The following CHL1 variants were observed in gnomAD, a reference collection of about 807,000 sequenced individuals.
The protein encoded by CHL1 is neural cell adhesion molecule L1-like protein.
In CHL1, 96 loss-of-function variants were observed where a neutral mutation model predicts 141.9. That is an observed-to-expected ratio of 0.68 (90% confidence interval 0.57 to 0.80). The LOEUF is 0.80. CHL1 is among the 30% of genes least tolerant of loss of function. The pLI, the probability that CHL1 is intolerant of heterozygous loss-of-function variation, is 0.00. For missense variants in CHL1, 1,820 were observed against 1,457.2 expected, an observed-to-expected ratio of 1.25 and a Z score of -4.05; for synonymous variants, 613 against 502.2, an observed-to-expected ratio of 1.22 and a Z score of -2.95.
chr3:288,653 C>T (rs1697386995), intron 2 of CHL1, among the ~76,000 whole-genome samples: 3 of 152,166 alleles, frequency 2.0e-5, no homozygotes, highest in Admixed American at 2.0e-4. Flanking sequence ...CCTACCTCTA[C>T]TGGTCAAGGA....
chr3:198,669 A>G (rs1324620696), intron 1 of CHL1, among the ~76,000 whole-genome samples: 2 of 152,268 alleles, frequency 1.3e-5, no homozygotes, highest in Non-Finnish European at 2.9e-5. Context: ...TTGATGCATA[A>G]TAAGCACTCA....
At chr3:263,480 G>A (rs76799225) in intron 2 of CHL1, among the ~76,000 whole-genome samples, 2,069 of 152,292 alleles carry the variant, frequency 0.014, 38 homozygotes, top group African/African-American at 0.047. Flanking sequence ...AAAGAATAAT[G>A]TGAGGGAAAT....
rs138936262 is a variant in CHL1, at chr3:365,993, C to A, written c.1629C>A (p.Pro543=). ...LRVSPKNPRI[P]KLHMLELHCE... is the part of the protein sequence containing the mutation. ...TTTCTCCTAAGAATCCTCGTATCCC[C>A]AAATTGCATATGCTTGAATTACATT... The change falls in exon 15 of 28, where the codon CCC becomes CCA. Residue 543 remains proline, a synonymous_variant. Transcript: ENST00000256509. 149 of 1,613,420 alleles carry A rather than the reference C, an allele frequency of 9.2e-5. 1 individual carries two copies. The highest frequency in any genetic ancestry group is 1.2e-4 in the Non-Finnish European group (139 of 1,179,602).
intron 1 of CHL1, among the ~76,000 whole-genome samples, chr3:200,858 C>G (rs548708705): frequency 7.2e-5 from 11 of 152,256 alleles, no homozygotes; most frequent in African/African-American, 2.6e-4. Flanking sequence ...ACATCTTTAT[C>G]TGAGGAAAGA....
In CHL1 at chr3:389,310, C is replaced by T. The variant is rs1370326408; in HGVS notation, c.2306C>T (p.Pro769Leu). 1.2e-6 allele frequency: 2 copies of T among 1,613,996 alleles called. No homozygotes were observed. Among genetic ancestry groups the T allele is most frequent in the Non-Finnish European group, 1.7e-6 (2 of 1,180,028 alleles). The change falls in exon 20 of 28, where the codon CCA (proline) becomes CTA (leucine). Residue 769 changes from proline to leucine, a missense_variant. Pro to Leu is a moderately conservative substitution (Grantham distance 98, BLOSUM62 -3). Coordinates refer to ENST00000256509, the MANE Select transcript of CHL1 (RefSeq NM_006614.4). ...CTAGAGTACAGAGTGACCTGGAAGC[C>T]ACAGGGAGCCCCAGTGGAGTGGGAA... ...PGLEYRVTWK[P>L]QGAPVEWEEE...
chr3:220,402 G>A (rs188182828), intron 1 of CHL1, among the ~76,000 whole-genome samples: 222 of 152,224 alleles, frequency 1.5e-3, no homozygotes, highest in African/African-American at 5.2e-3. Context: ...CTGGAAATTC[G>A]AGGCTGTAGC....
chr3:197,587 C>T, intron 1 of CHL1: 1 of 350,414 alleles, frequency 2.9e-6, no homozygotes, highest in Non-Finnish European at 5.7e-6. Flanking sequence ...TCCACTGCCC[C>T]TGTGTGGCTC....
intron 15 of CHL1, chr3:373,865 C>T (rs908694950): frequency 5.9e-5 from 9 of 152,388 alleles, no homozygotes; most frequent in African/African-American, 1.9e-4. Flanking sequence ...GTGCGGCTCT[C>T]AGGTGGACCA....
chr3:222,659 A>C (rs1054821777), intron 1 of CHL1, among the ~76,000 whole-genome samples: 2 of 152,236 alleles, frequency 1.3e-5, no homozygotes, highest in Non-Finnish European at 2.9e-5. Context: ...TTTTGTAGAA[A>C]GGCTGTGCCA....
At chr3:327,917 TAAA>T (rs1020299094) in intron 4 of CHL1, among the ~76,000 whole-genome samples, 3 of 151,914 alleles carry the variant, frequency 2.0e-5, no homozygotes, top group African/African-American at 7.2e-5. Context: ...TAAAAATAAA[TAAA>T]TAATTTTAAT....
intron 15 of CHL1, among the ~76,000 whole-genome samples, chr3:370,675 C>T (rs903076364): frequency 1.1e-4 from 16 of 152,036 alleles, no homozygotes; most frequent in Non-Finnish European, 2.4e-4. Context: ...TCTTGCCTCT[C>T]TGGTTCTTTT....
intron 2 of CHL1, among the ~76,000 whole-genome samples, chr3:276,750 A>T (rs76340532): frequency 6.6e-6 from 1 of 151,962 alleles, no homozygotes. Context: ...TTAGCTGGGC[A>T]TGCTGGCCGG....
intron 26 of CHL1, 46 bp from the exon 27 acceptor site, chr3:401,569 AAAATGTCTTTT>A (rs1200908943): frequency 2.9e-5 from 29 of 1,015,902 alleles, no homozygotes; most frequent in Non-Finnish European, 4.1e-5. Context: ...CAGCACTGGT[AAAATGTCTTTT>A]AAATGGTCAC....
chr3:255,019 C>G (rs1267240657), intron 2 of CHL1, among the ~76,000 whole-genome samples: 1 of 152,156 alleles, frequency 6.6e-6, no homozygotes, highest in Non-Finnish European at 1.5e-5. Flanking sequence ...TTGCCTATCT[C>G]CATCTCTAGC....
At chr3:277,594 T>C (rs1438754869) in intron 2 of CHL1, among the ~76,000 whole-genome samples, 2 of 152,234 alleles carry the variant, frequency 1.3e-5, no homozygotes, top group Non-Finnish European at 2.9e-5. Flanking sequence ...TTGGGATTTA[T>C]TTCTCTTACC....
At chr3:304,901 C>T (rs553028240) in intron 2 of CHL1, among the ~76,000 whole-genome samples, 32 of 152,210 alleles carry the variant, frequency 2.1e-4, no homozygotes, top group Admixed American at 1.2e-3. Context: ...TCCCTCTAAA[C>T]ACTGCTTTAA....
intron 5 of CHL1, among the ~76,000 whole-genome samples, chr3:338,059 T>C (rs1208551112): frequency 2.0e-5 from 3 of 152,060 alleles, no homozygotes; most frequent in Non-Finnish European, 2.9e-5. Context: ...AGAGACGGGG[T>C]TTCACCATGT....
Position 360,319 on chromosome 3 carries a change from G to A in CHL1, c.1201G>A (p.Glu401Lys). 6.2e-7 allele frequency: 1 copy of A among 1,613,782 alleles called. No individual in the cohort carries two copies. The highest frequency in any genetic ancestry group is 8.5e-7 in the Non-Finnish European group (1 of 1,179,818). Reference protein sequence around the residue: ...PFAGDVVFPREISFTNLQPNH... With the variant: ...PFAGDVVFPRKISFTNLQPNH... ...TGCTGGTGATGTTGTCTTCCCCAGGGAAATCAGTTTTACCAACCTTCAACC... is the reference window on the plus strand; with the variant it reads ...TGCTGGTGATGTTGTCTTCCCCAGGAAAATCAGTTTTACCAACCTTCAACC... The change falls in exon 12 of 28, where the codon GAA (glutamate) becomes AAA (lysine). Residue 401 changes from glutamate to lysine, a missense_variant. Glu to Lys is a moderately conservative substitution (Grantham distance 56). Transcript: ENST00000256509.
At chr3:264,102 T>G (rs331863) in intron 2 of CHL1, among the ~76,000 whole-genome samples, 1 of 152,214 alleles carries the variant, frequency 6.6e-6, no homozygotes, top group East Asian at 1.9e-4. Flanking sequence ...ATTTAGACTT[T>G]ACTGTAAGGA....
Sources: allele counts gnomAD v4.1 joint callset (sites outside exome capture counted in the v4.1 genomes callset), GRCh38; gene constraint gnomAD v4.1.1; transcripts MANE v1.5; gene names NCBI Gene and HGNC (gene_info 2026-07-23, HGNC 2026-07-21).